ACER3: variants seen among roughly 807,000 people sequenced by gnomAD.
ACER3 encodes the protein alkCDase 3.
In ACER3, 16 loss-of-function variants were observed where a neutral mutation model predicts 48.9. The ratio of observed to expected loss-of-function variants is 0.33; its 90% CI spans 0.22 to 0.50. The LOEUF is 0.50. Among genes scored for constraint, ACER3 ranks in the 20% least tolerant of loss-of-function variants. The pLI is 0.98. For missense variants in ACER3, 227 were observed against 326.0 expected (o/e 0.70, Z 2.34); for synonymous variants, 109 against 107.8 (o/e 1.01, Z -0.07).
chr11:77,021,983 C>T lies in ACER3; in HGVS notation c.*1656C>T, dbSNP rs1296679560. On this transcript the variant is annotated 3_prime_UTR_variant, in exon 11 of 11. Transcript: ENST00000532485. The stretch of plus-strand genomic sequence containing the variant: ...GATTCTGCCTTAAGAGGGTATAAAA[C>T]TAAACCATTTGAAGGCACAGCCCAT... 6.6e-6 allele frequency: 1 copy of T among 152,170 alleles called. No individual in the cohort carries two copies. Among genetic ancestry groups the T allele is most frequent in the African/African-American group, 2.4e-5 (1 of 41,426 alleles). 9.4% of individuals were successfully genotyped at this position (152,170 alleles called of 1,614,324 possible).
chr11:76,908,799 G>A (rs1946298538), intron 1 of ACER3, among the ~76,000 whole-genome samples: 3 of 152,064 alleles, frequency 2.0e-5, no homozygotes, highest in African/African-American at 7.2e-5. Context: ...CCAAAAAAGA[G>A]CCCATATAGC....
At chr11:76,922,685 T>C (rs543585689) in intron 1 of ACER3, among the ~76,000 whole-genome samples, 18 of 152,342 alleles carry the variant, frequency 1.2e-4, no homozygotes, top group Non-Finnish European at 2.6e-4. Context: ...ACATTAGCTA[T>C]AAGGACAGAT....
intron 2 of ACER3, among the ~76,000 whole-genome samples, chr11:76,932,732 T>G (rs1590950816): frequency 6.6e-6 from 1 of 152,212 alleles, no homozygotes; most frequent in Admixed American, 6.5e-5. Context: ...AACAGTATTA[T>G]GACCTTCAAT....
chr11:77,021,373 T>G lies in ACER3; in HGVS notation c.*1046T>G, dbSNP rs1438642219. Reference sequence around the variant, plus strand: ...ATTTTCTGAAGGAAATAGATGTAAGTTTCTGCTACTTGAAACCTACAGAAC... The same window carrying G: ...ATTTTCTGAAGGAAATAGATGTAAGGTTCTGCTACTTGAAACCTACAGAAC... On this transcript the variant is annotated 3_prime_UTR_variant, in exon 11 of 11. Coordinates refer to ENST00000532485, the MANE Select transcript of ACER3 (RefSeq NM_018367.7). 1 of 152,220 alleles carries G rather than the reference T, an allele frequency of 6.6e-6. No individual in the cohort carries two copies. The highest frequency in any genetic ancestry group is 2.4e-5 in the African/African-American group (1 of 41,456). The allele number at this position is 152,220 out of a possible 1,614,324, so 9.4% of individuals were successfully genotyped here.
In ACER3 at chr11:76,904,770, C is replaced by G. The variant is rs1274224124; in HGVS notation, c.104-21787C>G. Among the ~76,000 whole-genome samples the G allele has an allele frequency of 2.0e-5, 3 of 152,160 alleles. No homozygotes were observed. The East Asian group carries it at 5.8e-4, about 29-fold the overall frequency. On this transcript the variant is annotated intron_variant, in intron 1 of 10. Transcript: ENST00000532485. ...CTACTGTTTCGCTGCCCCTCTCAAC[C>G]CACATCTGTGGCCTCATGGAAAAGT...
chr11:76,919,549 A>G (rs1010417580), intron 1 of ACER3, among the ~76,000 whole-genome samples: 3 of 152,216 alleles, frequency 2.0e-5, no homozygotes, highest in Non-Finnish European at 4.4e-5. Context: ...CTATATCAAA[A>G]TAAGACTTTC....
Position 76,998,880 on chromosome 11 carries a change from A to G in ACER3, c.497+59A>G, listed in dbSNP as rs1347438594. 4 of 1,331,980 alleles carry G rather than the reference A, an allele frequency of 3.0e-6. No individual in the cohort carries two copies. In the African/African-American group the frequency reaches 6.1e-5, roughly 20 times the overall value. The allele number at this position is 1,331,980 out of a possible 1,614,324, so 82.5% of individuals were successfully genotyped here. Reference sequence around the variant, plus strand: ...AGTATATTCAGACCTATAACAGTAAATCTATAGCCTAAATCAAAATAACAC... The same window carrying G: ...AGTATATTCAGACCTATAACAGTAAGTCTATAGCCTAAATCAAAATAACAC... On this transcript the variant is annotated intron_variant, in intron 7 of 10. Transcript: ENST00000532485.
intron 4 of ACER3, among the ~76,000 whole-genome samples, chr11:76,984,855 A>G (rs1392051029): frequency 6.6e-6 from 1 of 152,166 alleles, no homozygotes; most frequent in Non-Finnish European, 1.5e-5. Flanking sequence ...AGGAAATTAT[A>G]TCCTTATTTA....
intron 1 of ACER3, among the ~76,000 whole-genome samples, chr11:76,869,296 G>A (rs1945181551): frequency 6.6e-6 from 1 of 152,180 alleles, no homozygotes; most frequent in Admixed American, 6.5e-5. Context: ...TGGGTTGTGA[G>A]AACAGAGGAA....
At chr11:76,957,628 G>A (rs1947877519) in intron 2 of ACER3, 1 of 277,592 alleles carries the variant, frequency 3.6e-6, no homozygotes, top group South Asian at 3.1e-5. Flanking sequence ...ATTTTTAGTA[G>A]AGATGGGGTT....
Position 76,926,573 on chromosome 11 carries a change from C to A in ACER3, c.120C>A (p.Asn40Lys). 6.2e-7 allele frequency: 1 copy of A among 1,604,886 alleles called. No individual in the cohort carries two copies. The highest frequency in any genetic ancestry group is 1.3e-5 in the African/African-American group (1 of 74,870). The change falls in exon 2 of 11, where the codon AAC (asparagine) becomes AAA (lysine). Residue 40 changes from asparagine to lysine, a missense_variant. Coordinates refer to ENST00000532485, the MANE Select transcript of ACER3 (RefSeq NM_018367.7). The stretch of plus-strand genomic sequence containing the variant: ...CTCTTAAAGGGAATACAGTGAGTAA[C>A]CTGATCATGATTATACCTCCAATGT... ...YIAEFWNTVS[N>K]LIMIIPPMFG...
chr11:76,937,304 A>T (rs1947216794), intron 2 of ACER3, among the ~76,000 whole-genome samples: 1 of 152,230 alleles, frequency 6.6e-6, no homozygotes. Context: ...TTTGAAGCTG[A>T]ATTTGGCAAT....
rs1308336023 is a variant in ACER3, at chr11:77,023,561, T to A, written c.*3234T>A. 1.5e-5 allele frequency: 3 copies of A among 196,198 alleles called. No homozygotes were observed. Among genetic ancestry groups the A allele is most frequent in the Non-Finnish European group, 3.1e-5 (3 of 97,790 alleles). The allele number at this position is 196,198 out of a possible 1,614,324, so 12.2% of individuals were successfully genotyped here. A position where few individuals can be genotyped will look rare whatever the true frequency, so the allele number is the denominator to read the frequency against. On this transcript the variant is annotated 3_prime_UTR_variant, in exon 11 of 11. Transcript: ENST00000532485. ...CCATGTTTACGTGACAAGAAATTGT[T>A]TTGGCCCTGTGGTTTATGACGTGCT...
At chr11:76,913,655 G>A (rs921763049) in intron 1 of ACER3, among the ~76,000 whole-genome samples, 4 of 152,018 alleles carry the variant, frequency 2.6e-5, no homozygotes, top group South Asian at 4.1e-4. Flanking sequence ...AATGCCATCC[G>A]CATCAAGCTA....
chr11:76,871,896 C>T (rs1353161738), intron 1 of ACER3, among the ~76,000 whole-genome samples: 2 of 152,086 alleles, frequency 1.3e-5, no homozygotes, highest in Admixed American at 6.5e-5. Flanking sequence ...GTTAGAGTCA[C>T]GTTGGAATTT....
intron 3 of ACER3, among the ~76,000 whole-genome samples, chr11:76,974,541 T>G (rs1292570496): frequency 2.0e-5 from 3 of 152,180 alleles, no homozygotes; most frequent in Non-Finnish European, 4.4e-5. Context: ...CACTTAAAAG[T>G]GTCTCAGGAT....
At chr11:76,866,734 C>G (rs1361742781) in intron 1 of ACER3, among the ~76,000 whole-genome samples, 2 of 152,174 alleles carry the variant, frequency 1.3e-5, no homozygotes, top group East Asian at 3.9e-4. Flanking sequence ...GACACTGAGT[C>G]TTGGAGAAGT....
intron 7 of ACER3, among the ~76,000 whole-genome samples, chr11:77,000,564 G>A (rs750012935): frequency 6.6e-6 from 1 of 152,090 alleles, no homozygotes; most frequent in Non-Finnish European, 1.5e-5. Context: ...TTAAGTCTGT[G>A]GTTTATTTTC....
intron 2 of ACER3, among the ~76,000 whole-genome samples, chr11:76,930,560 G>A (rs867551525): frequency 1.2e-4 from 18 of 151,824 alleles, no homozygotes; most frequent in Middle Eastern, 3.4e-3. Flanking sequence ...GTGATGTTAG[G>A]GTGTCAGTTT....
Sources: gnomAD v4.1 joint callset for allele counts (sites outside exome capture counted in the v4.1 genomes callset) on GRCh38, gnomAD v4.1.1 for gene constraint, MANE v1.5 for transcripts, NCBI Gene and HGNC (gene_info 2026-07-23, HGNC 2026-07-21) for gene names.